Variants in TNKS observed in about 807,000 individuals in gnomAD.
TNKS encodes tankyrase.
TNKS carries 72 observed loss-of-function variants against 135.8 expected under a neutral mutation model. The ratio of observed to expected loss-of-function variants is 0.53; its 90% CI spans 0.44 to 0.64. The LOEUF (loss-of-function observed/expected upper bound fraction) is 0.64. Among genes scored for constraint, TNKS ranks in the 30% least tolerant of loss-of-function variants. The pLI is 0.00. For synonymous variants in TNKS, 849 were observed against 649.3 expected (o/e 1.31, Z -4.68); for missense variants, 1,769 against 1,674.0 (o/e 1.06, Z -0.99).
intron 1 of TNKS, among the ~76,000 whole-genome samples, chr8:9,568,547 T>A (rs537262765): frequency 6.6e-6 from 1 of 152,184 alleles, no homozygotes; most frequent in Non-Finnish European, 1.5e-5. Context: ...TATGTAAATA[T>A]GTGTAAACAA....
chr8:9,732,777 G>A lies in TNKS; in HGVS notation c.2148-502G>A, dbSNP rs570156741. 1.4e-4 allele frequency among the ~76,000 whole-genome samples: 22 copies of A among 152,156 alleles called. No individual in the cohort carries two copies. The East Asian group carries it at 2.3e-3, about 16-fold the overall frequency. ...CTGAGTAGAACTTATAGTTGACATC[G>A]TCATTTTTCTTACTGAATACTTCTC... On this transcript the variant is annotated intron_variant, in intron 14 of 26. Coordinates refer to ENST00000310430, the MANE Select transcript of TNKS (RefSeq NM_003747.3).
rs5889287 is a variant in TNKS at position 9,586,722 on chromosome 8, CGTGTGTGT to C, written c.898+6372_898+6379del. 3.3e-3 allele frequency among the ~76,000 whole-genome samples: 477 copies of C among 143,296 alleles called. 2 individuals are homozygous for C. Among genetic ancestry groups the C allele is most frequent in the African/African-American group, 0.011 (429 of 39,286 alleles). 94.0% of individuals were successfully genotyped at this position (143,296 alleles called of 152,430 possible). A position where few individuals can be genotyped will look rare whatever the true frequency, so the allele number is the denominator to read the frequency against. On this transcript the variant is annotated intron_variant, in intron 2 of 26. Coordinates refer to ENST00000310430, the MANE Select transcript of TNKS (RefSeq NM_003747.3). The stretch of plus-strand genomic sequence containing the variant: ...TAGTCTATATAATTTATATCTAAAA[CGTGTGTGT>C]GTGTGTGTGTGTGTGTGTGTGTGTG...
chr8:9,625,689 A>T (rs1800029327), intron 3 of TNKS, among the ~76,000 whole-genome samples: 1 of 151,644 alleles, frequency 6.6e-6, no homozygotes, highest in South Asian at 2.1e-4. Flanking sequence ...CTGTTTGGAG[A>T]TTTTTCTGCT....
At chr8:9,698,021 T>C (rs891889489) in intron 5 of TNKS, among the ~76,000 whole-genome samples, 7 of 152,030 alleles carry the variant, frequency 4.6e-5, no homozygotes, top group South Asian at 2.1e-4. Context: ...CAGTGGTGGA[T>C]TGGATAAAGA....
intron 1 of TNKS, chr8:9,575,226 A>G (rs1797902487): frequency 2.0e-6 from 1 of 493,394 alleles, no homozygotes; most frequent in Non-Finnish European, 2.6e-6. Flanking sequence ...AGCTGGGACT[A>G]CAGGCGCCCG....
At chr8:9,729,834 C>T (rs1226865829) in intron 13 of TNKS, among the ~76,000 whole-genome samples, 3 of 124,218 alleles carry the variant, frequency 2.4e-5, no homozygotes, top group Admixed American at 1.1e-4. Context: ...AGTGCAGTAG[C>T]GTGATTTCGG....
chr8:9,594,870 C>G (rs1318755491), intron 2 of TNKS, among the ~76,000 whole-genome samples: 1 of 152,144 alleles, frequency 6.6e-6, no homozygotes, highest in Non-Finnish European at 1.5e-5. Context: ...GAAGTTTTAG[C>G]TACTGGAGAA....
rs373493403 is a variant in TNKS at position 9,704,685 on chromosome 8, C to T, written c.1130C>T (p.Ala377Val). The change falls in exon 6 of 27, where the codon GCG (alanine) becomes GTG (valine). Residue 377 changes from alanine to valine, a missense_variant. Ala to Val is a moderately conservative substitution (Grantham distance 64). This residue lies in a region of TNKS where 523 missense variants were observed against 541.0 expected (regional missense o/e 0.97). Transcript: ENST00000310430. ...GRKSTPLHLAAGYNRVRIVQL... is the reference protein window; with the variant it reads ...GRKSTPLHLAVGYNRVRIVQL... ...TAGTCGACTCCTTTACATCTAGCAG[C>T]GGGCTACAACAGAGTTCGAATAGTT... 2.5e-6 allele frequency: 4 copies of T among 1,612,846 alleles called. No individual in the cohort carries two copies. The highest frequency in any genetic ancestry group is 1.3e-5 in the African/African-American group (1 of 74,872).
chr8:9,720,819 G>C (rs1804839705), intron 12 of TNKS, among the ~76,000 whole-genome samples: 1 of 152,132 alleles, frequency 6.6e-6, no homozygotes. Context: ...CATATAAACA[G>C]TGTGGAATTA....
Position 9,706,791 on chromosome 8 carries a change from TG to T in TNKS, c.1270-19del, listed in dbSNP as rs765319579. Reference sequence around the variant, plus strand: ...CAGCAAAATGATTACTGACCTAAAATGTTTTTTTTCTCAATTCAGCATGGAG... The same window carrying T: ...CAGCAAAATGATTACTGACCTAAAATTTTTTTTTCTCAATTCAGCATGGAG... On this transcript the variant is annotated intron_variant, in intron 7 of 26. Transcript: ENST00000310430. 3.8e-6 allele frequency: 6 copies of T among 1,582,960 alleles called. No individual in the cohort carries two copies. Among genetic ancestry groups the T allele is most frequent in the South Asian group, 2.4e-5 (2 of 83,754 alleles).
At chr8:9,675,904 G>C (rs1032962341) in intron 3 of TNKS, among the ~76,000 whole-genome samples, 4 of 151,916 alleles carry the variant, frequency 2.6e-5, no homozygotes. Flanking sequence ...GTGACACGGA[G>C]AAAGGGTGAC....
chr8:9,574,319 CTCTAAAAATAGAGTTGCT>C (rs933405761), intron 1 of TNKS, among the ~76,000 whole-genome samples: 3 of 152,292 alleles, frequency 2.0e-5, no homozygotes, highest in Non-Finnish European at 4.4e-5. Flanking sequence ...CAACTGGCGC[CTCTAAAAATAGAGTTGCT>C]TAAGCTAGAA....
rs945437028 is a variant in TNKS at position 9,645,254 on chromosome 8, C to T, written c.994+29577C>T. Among the ~76,000 whole-genome samples the T allele has an allele frequency of 2.6e-5, 4 of 152,050 alleles. No homozygotes were observed. The East Asian group carries it at 5.8e-4, about 22-fold the overall frequency. On this transcript the variant is annotated intron_variant, in intron 3 of 26. Transcript: ENST00000310430. ...GGTGGGGTTTGTAGAATCCCAAGAT[C>T]AGGGAGAAGACATGGTCTCTCCAGG...
At chr8:9,647,751 T>G (rs1158495289) in intron 3 of TNKS, among the ~76,000 whole-genome samples, 2 of 152,206 alleles carry the variant, frequency 1.3e-5, no homozygotes, top group Non-Finnish European at 2.9e-5. Flanking sequence ...CTGCGTTTTA[T>G]TGAATACAGC....
chr8:9,713,302 G>A (rs888522689), intron 11 of TNKS, among the ~76,000 whole-genome samples: 4 of 152,050 alleles, frequency 2.6e-5, no homozygotes, highest in South Asian at 2.1e-4. Flanking sequence ...TCTTTGACCC[G>A]TTTTTGCAAA....
intron 1 of TNKS, among the ~76,000 whole-genome samples, chr8:9,569,107 T>C (rs1797662886): frequency 6.6e-6 from 1 of 152,234 alleles, no homozygotes; most frequent in South Asian, 2.1e-4. Context: ...GTTAAGCTTA[T>C]AGCAATAGTT....
intron 1 of TNKS, among the ~76,000 whole-genome samples, chr8:9,564,132 C>A (rs1386956063): frequency 1.3e-5 from 2 of 152,112 alleles, no homozygotes; most frequent in Non-Finnish European, 2.9e-5. Flanking sequence ...TAACCGGAGA[C>A]ATTGTGCTAA....
intron 3 of TNKS, among the ~76,000 whole-genome samples, chr8:9,650,700 C>G (rs1801116682): frequency 1.3e-5 from 2 of 151,892 alleles, no homozygotes; most frequent in South Asian, 2.1e-4. Context: ...CTTGTAGATT[C>G]TAGATGTTAG....
At chr8:9,601,334 A>G (rs1040672605) in intron 2 of TNKS, among the ~76,000 whole-genome samples, 1 of 152,222 alleles carries the variant, frequency 6.6e-6, no homozygotes, top group Non-Finnish European at 1.5e-5. Flanking sequence ...TTTGAATTTA[A>G]CATGTATTAT....
Sources: gnomAD v4.1 joint callset for allele counts (sites outside exome capture counted in the v4.1 genomes callset) on GRCh38, gnomAD v4.1.1 for gene constraint, gnomAD v4.1.1 regional missense constraint, MANE v1.5 for transcripts, NCBI Gene and HGNC (gene_info 2026-07-23, HGNC 2026-07-21) for gene names.